The following CACNA1G variants were observed in gnomAD, a reference collection of about 807,000 sequenced individuals.
CACNA1G encodes calcium voltage-gated channel subunit alpha1 G, also known as voltage-dependent T-type calcium channel subunit alpha-1G.
A neutral mutation model predicts 219.4 loss-of-function variants in CACNA1G; 67 were observed. The ratio of observed to expected loss-of-function variants is 0.31; its 90% CI spans 0.25 to 0.37. The LOEUF (loss-of-function observed/expected upper bound fraction) is 0.37. Ranked by LOEUF, CACNA1G falls within the 10% of genes least tolerant of loss-of-function variation. The probability of loss-of-function intolerance (pLI) is 1.00; values close to 1 mark genes in which losing one functional copy is unlikely to be tolerated. For missense variants in CACNA1G, 2,380 were observed against 3,231.4 expected (o/e 0.74, Z 6.39); for synonymous variants, 1,296 against 1,345.3 (o/e 0.96, Z 0.80).
chr17:50,606,235 T>C (rs1332866944), intron 23 of CACNA1G: 1 of 747,454 alleles, frequency 1.3e-6, no homozygotes, highest in Admixed American at 2.0e-5. Context: ...CTAGCCGTCC[T>C]TAAAGATGAA....
chr17:50,580,906 G>A (rs902584583), intron 9 of CACNA1G, among the ~76,000 whole-genome samples: 4 of 152,158 alleles, frequency 2.6e-5, no homozygotes, highest in African/African-American at 9.7e-5. Flanking sequence ...CCCGCCATCT[G>A]GGCCCTGGAG....
At chr17:50,604,901 G>A (rs767774765) in intron 22 of CACNA1G, among the ~76,000 whole-genome samples, 1 of 152,178 alleles carries the variant, frequency 6.6e-6, no homozygotes, top group Non-Finnish European at 1.5e-5. Flanking sequence ...GTAGACAGCT[G>A]GCTGTTCAGG....
At chr17:50,620,262 G>A (rs974748106) in intron 34 of CACNA1G, among the ~76,000 whole-genome samples, 1 of 152,164 alleles carries the variant, frequency 6.6e-6, no homozygotes, top group African/African-American at 2.4e-5. Context: ...CTATCTGCTC[G>A]TGTCCAGCAC....
intron 13 of CACNA1G, 131 bp downstream of exon 13, chr17:50,592,223 A>G (rs895030802): frequency 4.2e-6 from 4 of 947,478 alleles, no homozygotes; most frequent in Non-Finnish European, 6.2e-6. Flanking sequence ...AGCCTCTTAG[A>G]CTAAGCCGGG....
chr17:50,598,239 G>A (rs550092823), intron 16 of CACNA1G, among the ~76,000 whole-genome samples: 2 of 152,338 alleles, frequency 1.3e-5, no homozygotes, highest in South Asian at 4.1e-4. Context: ...ATGTTGGCCA[G>A]GCTGGTCTCA....
intron 7 of CACNA1G, 29 bp downstream of exon 7, chr17:50,573,142 A>T: frequency 6.6e-7 from 1 of 1,511,302 alleles, no homozygotes. Context: ...CCCCGTGGGG[A>T]TGGGCGATCC....
At chr17:50,588,492 G>C (rs961109313) in intron 9 of CACNA1G, among the ~76,000 whole-genome samples, 1 of 152,174 alleles carries the variant, frequency 6.6e-6, no homozygotes, top group East Asian at 1.9e-4. Context: ...GTACAGAGTG[G>C]GGGGATCCAC....
rs1229792687 is a variant in CACNA1G, at chr17:50,606,409, C to T, written c.4422+386C>T. ...TCAATGACCTGGAGCAGCTGACTTA[C>T]CAGGGCCTCAGTTTCATTAACTGGT... On this transcript the variant is annotated intron_variant, in intron 23 of 37. Coordinates refer to ENST00000359106, the MANE Select transcript of CACNA1G (RefSeq NM_018896.5). The T allele has an allele frequency of 2.4e-5, 14 of 595,448 alleles. No individual in the cohort carries two copies. In the African/African-American group the frequency reaches 2.4e-4, roughly 10 times the overall value. The allele number at this position is 595,448 out of a possible 1,614,324, so 36.9% of individuals were successfully genotyped here.
chr17:50,583,402 T>A (rs1466357473), intron 9 of CACNA1G, among the ~76,000 whole-genome samples: 2 of 152,282 alleles, frequency 1.3e-5, no homozygotes, highest in East Asian at 1.9e-4. Flanking sequence ...GGGGAGCATA[T>A]CCTGTGCACA....
At position 50,621,609 on chromosome 17, in the gene CACNA1G, C is replaced by T. The variant is rs1208167973; in HGVS notation, c.5926-51C>T. On this transcript the variant is annotated intron_variant, in intron 34 of 37. Transcript: ENST00000359106. The surrounding 1 kb of genome is among the most constrained non-coding windows in gnomAD (Gnocchi z 4.6). ...GAGCGCGTGTGTGCGTGTGCACGCG[C>T]GTGTGCGCTGTCCTGGTTTCTCATG... is the stretch of plus-strand genomic sequence containing the variant. The T allele has an allele frequency of 1.1e-5, 18 of 1,600,474 alleles. No individual in the cohort carries two copies. The Admixed American group carries it at 1.8e-4, about 16-fold the overall frequency.
chr17:50,584,109 G>A (rs2042538029), intron 9 of CACNA1G, among the ~76,000 whole-genome samples: 2 of 152,184 alleles, frequency 1.3e-5, no homozygotes, highest in South Asian at 4.1e-4. Context: ...TGGGAGAGGA[G>A]GCGAGAGGGT....
intron 9 of CACNA1G, among the ~76,000 whole-genome samples, chr17:50,579,413 C>T (rs1488062308): frequency 6.6e-6 from 1 of 152,098 alleles, no homozygotes; most frequent in East Asian, 1.9e-4. Context: ...CCACTGATCC[C>T]CCATCATGAG....
rs942165900 is a variant in CACNA1G, at chr17:50,596,408, G to A, written c.2980-154G>A. Among the ~76,000 whole-genome samples the A allele has an allele frequency of 2.2e-4, 34 of 152,162 alleles. No individual in the cohort carries two copies. Among genetic ancestry groups the A allele is most frequent in the African/African-American group, 8.2e-4 (34 of 41,432 alleles). On this transcript the variant is annotated intron_variant, in intron 14 of 37. Coordinates refer to ENST00000359106, the MANE Select transcript of CACNA1G (RefSeq NM_018896.5). This position sits in a 1 kb window ranked among gnomAD's most constrained non-coding sequence, Gnocchi z 4.8. ...TGGGAAGCCTCGGGCCCCAAGCCTG[G>A]GGGGTCTGGCCTGCGCCGTGCATGT...
chr17:50,578,643 C>T lies in CACNA1G; in HGVS notation c.2301+79C>T. ...GGGGCCTTCTACCTCCCTCCGCACC[C>T]CTCCTCCTGAGCTCAGCTTCCTCTC... is the stretch of plus-strand genomic sequence containing the variant. On this transcript the variant is annotated intron_variant, in intron 9 of 37. Coordinates refer to ENST00000359106, the MANE Select transcript of CACNA1G (RefSeq NM_018896.5). This position sits in a 1 kb window ranked among gnomAD's most constrained non-coding sequence, Gnocchi z 4.5. 1 of 1,394,754 alleles carries T rather than the reference C, an allele frequency of 7.2e-7. No individual in the cohort carries two copies. The highest frequency in any genetic ancestry group is 9.6e-7 in the Non-Finnish European group (1 of 1,039,934). 86.4% of individuals were successfully genotyped at this position (1,394,754 alleles called of 1,614,324 possible). A position where few individuals can be genotyped will look rare whatever the true frequency, so the allele number is the denominator to read the frequency against.
In CACNA1G at chr17:50,626,968, CG is replaced by C; in HGVS notation, c.*219del. 1 of 699,900 alleles carries C rather than the reference CG, an allele frequency of 1.4e-6. No homozygotes were observed. The highest frequency in any genetic ancestry group is 1.5e-5 in the South Asian group (1 of 67,496). The allele number at this position is 699,900 out of a possible 1,614,324, so 43.4% of individuals were successfully genotyped here. The stretch of plus-strand genomic sequence containing the variant: ...CTGGCTCCAGGCAGAAGGAGAGGCC[CG>C]GTGCAGCTGAGGTTCCCGACACCAG... On this transcript the variant is annotated 3_prime_UTR_variant, in exon 38 of 38. Coordinates refer to ENST00000359106, the MANE Select transcript of CACNA1G (RefSeq NM_018896.5). The surrounding 1 kb of genome is among the most constrained non-coding windows in gnomAD (Gnocchi z 4.3).
chr17:50,575,404 C>T, intron 7 of CACNA1G, 139 bp from the exon 8 acceptor site: 1 of 948,646 alleles, frequency 1.1e-6, no homozygotes, highest in Non-Finnish European at 1.5e-6. Context: ...CTGAGGCTGT[C>T]TTAAAAATAA....
intron 33 of CACNA1G, 140 bp downstream of exon 33, chr17:50,619,148 C>T (rs1327487182): frequency 7.6e-6 from 5 of 659,942 alleles, no homozygotes; most frequent in Admixed American, 3.1e-5. Context: ...GGATGCTGAG[C>T]GAGCAGTCAC....
chr17:50,615,804 T>C (rs1476804621), intron 27 of CACNA1G, among the ~76,000 whole-genome samples: 1 of 152,222 alleles, frequency 6.6e-6, no homozygotes, highest in Non-Finnish European at 1.5e-5. Context: ...GCTCTGGATC[T>C]TTGAGGGTAA....
In CACNA1G at chr17:50,602,832, C is replaced by T; in HGVS notation, c.3928C>T (p.Leu1310=). The change falls in exon 20 of 38, where the codon CTG becomes TTG. Residue 1310 remains leucine, a synonymous_variant. Transcript: ENST00000359106. The stretch of plus-strand genomic sequence containing the variant: ...CCCTCTCTTGCAGGAACGCATCTTC[C>T]TGACCCTCTCCAATTACATCTTCAC... ...IDPHSAERIF[L]TLSNYIFTAV... is the part of the protein sequence containing the mutation. 1.2e-6 allele frequency: 2 copies of T among 1,613,884 alleles called. No homozygotes were observed. The highest frequency in any genetic ancestry group is 1.1e-5 in the South Asian group (1 of 91,076).
Sources: gnomAD v4.1 joint callset for allele counts (sites outside exome capture counted in the v4.1 genomes callset) on GRCh38, gnomAD v4.1.1 for gene constraint, Gnocchi (gnomAD v3.1) non-coding constraint, MANE v1.5 for transcripts, NCBI Gene and HGNC (gene_info 2026-07-23, HGNC 2026-07-21) for gene names.